SNRPN: variants seen among roughly 807,000 people sequenced by gnomAD.
The protein encoded by SNRPN is small nuclear ribonucleoprotein-associated protein N.
SNRPN carries 7 observed loss-of-function variants against 25.2 expected under a neutral mutation model. The observed-to-expected ratio is 0.28, with a 90% CI of 0.16 to 0.52. The LOEUF (loss-of-function observed/expected upper bound fraction) is 0.52, where lower values mean the gene tolerates loss of function less well. SNRPN is among the 20% of genes least tolerant of loss of function. SNRPN has a pLI of 0.96. For missense variants in SNRPN, 196 were observed against 322.5 expected (o/e 0.61, Z 3.00); for synonymous variants, 124 against 110.6 (o/e 1.12, Z -0.76).
intron 1 of SNRPN, among the ~76,000 whole-genome samples, chr15:24,827,717 A>C (rs2050207373): frequency 6.6e-6 from 1 of 150,428 alleles, no homozygotes; most frequent in African/African-American, 2.5e-5. Flanking sequence ...AAATACAAAA[A>C]TTAGCCGGGC....
In SNRPN at chr15:24,978,688, TTAATTCTTAGGA is replaced by T. The variant is rs1445029644; in HGVS notation, c.*248_*259del. ...GCAGTTGATTCAAATCATATTCTCT[TTAATTCTTAGGA>T]TAAAAAGGTTTTCTGCTATCTAACT... On this transcript the variant is annotated 3_prime_UTR_variant, in exon 10 of 10. Coordinates refer to ENST00000390687, the MANE Select transcript of SNRPN (RefSeq NM_003097.6). 1.8e-6 allele frequency: 1 copy of T among 547,016 alleles called. No individual in the cohort carries two copies. Among genetic ancestry groups the T allele is most frequent in the African/African-American group, 1.9e-5 (1 of 52,560 alleles). The allele number at this position is 547,016 out of a possible 1,614,324, so 33.9% of individuals were successfully genotyped here.
At chr15:24,954,338 A>AT (rs1291847094), upstream of SNRPN, among the ~76,000 whole-genome samples, 1 of 152,166 alleles carries the variant, frequency 6.6e-6, no homozygotes, top group Non-Finnish European at 1.5e-5. Flanking sequence ...CTAAGTTCAT[A>AT]TTTTTGTTTT....
At chr15:24,887,344 C>T (rs1055285868) in intron 2 of SNRPN, among the ~76,000 whole-genome samples, 1 of 151,952 alleles carries the variant, frequency 6.6e-6, no homozygotes, top group Non-Finnish European at 1.5e-5. Flanking sequence ...GACAAGGTTT[C>T]ACCATGTTGG....
At chr15:24,908,302 GA>G (rs2058983946) in intron 2 of SNRPN, among the ~76,000 whole-genome samples, 1 of 152,140 alleles carries the variant, frequency 6.6e-6, no homozygotes, top group African/African-American at 2.4e-5. Context: ...TAAAAATGTA[GA>G]GGCTGCTTTG....
chr15:24,853,597 G>A (rs1485161162), upstream of SNRPN, among the ~76,000 whole-genome samples: 2 of 152,122 alleles, frequency 1.3e-5, no homozygotes, highest in African/African-American at 4.8e-5. Context: ...GTTTCACCGT[G>A]TTAGCCAGGC....
At chr15:24,878,820 A>G (rs1024064) in intron 1 of SNRPN, among the ~76,000 whole-genome samples, 38,694 of 151,882 alleles carry the variant, frequency 0.25, 5,129 homozygotes, top group East Asian at 0.36. Flanking sequence ...AAGAAATGAG[A>G]TACTACTTTA....
intron 2 of SNRPN, chr15:24,849,477 G>A (rs1246530055): frequency 6.6e-6 from 1 of 152,300 alleles, no homozygotes; most frequent in Non-Finnish European, 1.5e-5. Flanking sequence ...AGGAATAAAC[G>A]GGACACAGGT....
intron 2 of SNRPN, among the ~76,000 whole-genome samples, chr15:24,902,756 T>G (rs2058544918): frequency 6.6e-6 from 1 of 152,212 alleles, no homozygotes; most frequent in South Asian, 2.1e-4. Context: ...TCTCGCCGGC[T>G]TCAGGAGTGA....
intron 2 of SNRPN, among the ~76,000 whole-genome samples, chr15:24,837,731 T>A (rs1475307271): frequency 2.5e-5 from 3 of 120,520 alleles, no homozygotes; most frequent in Non-Finnish European, 5.7e-5. Flanking sequence ...ACTCTTTAAA[T>A]TTTTTTTTTT....
chr15:24,874,674 T>C (rs2055671494), intron 1 of SNRPN, among the ~76,000 whole-genome samples: 1 of 152,202 alleles, frequency 6.6e-6, no homozygotes, highest in Admixed American at 6.5e-5. Context: ...TTGATTGACG[T>C]CTTCTGGTGA....
chr15:24,840,307 G>T (rs571238731), intron 2 of SNRPN, among the ~76,000 whole-genome samples: 1 of 152,124 alleles, frequency 6.6e-6, no homozygotes, highest in East Asian at 1.9e-4. Context: ...TCAATGAGCC[G>T]AGATTGCACC....
intron 2 of SNRPN, among the ~76,000 whole-genome samples, chr15:24,843,113 G>T (rs1267816735): frequency 6.6e-6 from 1 of 151,820 alleles, no homozygotes; most frequent in African/African-American, 2.4e-5. Context: ...CGCTCCTGTT[G>T]CCCAGGTTGG....
intron 2 of SNRPN, among the ~76,000 whole-genome samples, chr15:24,908,051 T>TA (rs2058953333): frequency 4.4e-5 from 1 of 22,702 alleles, no homozygotes; most frequent in Non-Finnish European, 6.7e-5. Context: ...AGACTCCATC[T>TA]CAAAAAAAAA....
chr15:24,925,980 C>G (rs183690142), intron 3 of SNRPN, among the ~76,000 whole-genome samples: 1 of 152,084 alleles, frequency 6.6e-6, no homozygotes, highest in African/African-American at 2.4e-5. Flanking sequence ...GTGATCCGCC[C>G]GCCTCGGCCT....
chr15:24,904,859 C>T lies in SNRPN; in HGVS notation c.-504-15152C>T, dbSNP rs574830133. Among the ~76,000 whole-genome samples the T allele has an allele frequency of 7.4e-5, 11 of 149,158 alleles. No individual in the cohort carries two copies. The East Asian group carries it at 1.8e-3, about 24-fold the overall frequency. ...TCTTGAGGCTGAGGCAGGAGAAAGG[C>T]GTGAACCCGGGAAGTGGAGCTTGCA... is the stretch of plus-strand genomic sequence containing the variant. On this transcript the variant is annotated intron_variant, in intron 2 of 11. Transcript: ENST00000400097.
At chr15:24,899,216 G>A (rs905409367) in intron 2 of SNRPN, among the ~76,000 whole-genome samples, 5 of 152,008 alleles carry the variant, frequency 3.3e-5, no homozygotes, top group Non-Finnish European at 1.5e-5. Flanking sequence ...AAACATCAAC[G>A]GAAAAATCAA....
chr15:24,847,508 C>T (rs993741677), intron 2 of SNRPN, among the ~76,000 whole-genome samples: 4 of 151,986 alleles, frequency 2.6e-5, no homozygotes, highest in African/African-American at 9.7e-5. Flanking sequence ...GGCATGGTGG[C>T]GGGTGCCTGT....
At chr15:24,853,453 A>G (rs1233507015), upstream of SNRPN, among the ~76,000 whole-genome samples, 1 of 150,596 alleles carries the variant, frequency 6.6e-6, no homozygotes, top group Non-Finnish European at 1.5e-5. Context: ...GAGTGCAGTG[A>G]CGCGATCTCG....
At position 24,937,587 on chromosome 15, in the gene SNRPN, G is replaced by C. The variant is rs73354157; in HGVS notation, c.-391+17463G>C. The stretch of plus-strand genomic sequence containing the variant: ...CTTTTCATGTGAATCTAGTGTATTT[G>C]CTACTTTTTGATAATGCTTTGCACT... On this transcript the variant is annotated intron_variant, in intron 3 of 11. Transcript: ENST00000400097. Among the ~76,000 whole-genome samples the C allele has an allele frequency of 6.1e-3, 926 of 152,104 alleles. 13 individuals carry two copies. The highest frequency in any genetic ancestry group is 0.021 in the African/African-American group (883 of 41,490).
Sources: allele counts gnomAD v4.1 joint callset (sites outside exome capture counted in the v4.1 genomes callset), GRCh38; gene constraint gnomAD v4.1.1; transcripts MANE v1.5; gene names NCBI Gene and HGNC (gene_info 2026-07-23, HGNC 2026-07-21).